The following SCRG1 variants were observed in gnomAD, a reference collection of about 807,000 sequenced individuals.
SCRG1 encodes the protein scrapie-responsive protein 1.
SCRG1 carries 3 observed loss-of-function variants against 7.7 expected under a neutral mutation model. The ratio of observed to expected loss-of-function variants is 0.39; its 90% CI spans 0.18 to 1.01. The LOEUF is 1.01. SCRG1 is among the 50% of genes least tolerant of loss of function. The pLI is 0.36. For missense variants in SCRG1, 110 were observed against 117.2 expected (o/e 0.94, Z 0.28); for synonymous variants, 46 against 41.2 (o/e 1.12, Z -0.44).
the SCRG1 span, among the ~76,000 whole-genome samples, chr4:173,484,791 CATATTAT>C: frequency 7.5e-5 from 6 of 79,668 alleles, no homozygotes; most frequent in African/African-American, 3.2e-4. Context: ...ACATGTAATA[CATATTAT>C]ATATTATATA....
intron 1 of SCRG1, 51 bp from the exon 2 acceptor site, chr4:173,391,479 G>T: frequency 6.4e-7 from 1 of 1,569,828 alleles, no homozygotes; most frequent in Non-Finnish European, 8.7e-7. Context: ...TTTAAAGATA[G>T]AATTCATCTG....
the SCRG1 span, among the ~76,000 whole-genome samples, chr4:173,457,901 C>T: frequency 6.6e-6 from 1 of 152,142 alleles, no homozygotes; most frequent in South Asian, 2.1e-4. Flanking sequence ...CTGAAGGAGT[C>T]ATACTGTTTT....
chr4:173,404,567 G>A (rs767935238), intron 1 of SCRG1: 1 of 152,220 alleles, frequency 6.6e-6, no homozygotes, highest in Non-Finnish European at 1.5e-5. Context: ...ATGAATAAAT[G>A]AGTGAGGGGA....
the SCRG1 span, among the ~76,000 whole-genome samples, chr4:173,424,477 A>T: frequency 1.3e-5 from 2 of 152,218 alleles, no homozygotes; most frequent in Non-Finnish European, 2.9e-5. Context: ...TTAAAAGCAG[A>T]TGATATAAAC....
chr4:173,480,936 A>T, the SCRG1 span, among the ~76,000 whole-genome samples: 1 of 152,150 alleles, frequency 6.6e-6, no homozygotes, highest in Non-Finnish European at 1.5e-5. Context: ...GCATGTTTGA[A>T]CATTTTTATG....
rs1284552387 is a variant in SCRG1 at position 173,385,082 on chromosome 4, C to T, written c.*3259G>A. The T allele has an allele frequency of 6.6e-6, 1 of 152,000 alleles. No homozygotes were observed. The highest frequency in any genetic ancestry group is 1.5e-5 in the Non-Finnish European group (1 of 67,990). The allele number at this position is 152,000 out of a possible 1,614,324, so 9.4% of individuals were successfully genotyped here. On this transcript the variant is annotated 3_prime_UTR_variant, in exon 3 of 3. Coordinates refer to ENST00000296506, the MANE Select transcript of SCRG1 (RefSeq NM_007281.4). ...TATCTTTAAACCTTAGCTTTTTTGTCCATAGAACAAGGATAATATCAGTAC... is the reference window on the plus strand; with the variant it reads ...TATCTTTAAACCTTAGCTTTTTTGTTCATAGAACAAGGATAATATCAGTAC...
chr4:173,409,484 T>C (rs1445826742), upstream of SCRG1, among the ~76,000 whole-genome samples: 1 of 152,184 alleles, frequency 6.6e-6, no homozygotes, highest in Admixed American at 6.5e-5. Flanking sequence ...TGCTATGCTC[T>C]GTATCCTTCC....
At chr4:173,395,425 G>T (rs1175044708) in intron 1 of SCRG1, among the ~76,000 whole-genome samples, 1 of 152,192 alleles carries the variant, frequency 6.6e-6, no homozygotes, top group Non-Finnish European at 1.5e-5. Context: ...CTAACCTAAG[G>T]CCTTCCTTTC....
chr4:173,462,946 A>G, the SCRG1 span, among the ~76,000 whole-genome samples: 1 of 152,190 alleles, frequency 6.6e-6, no homozygotes, highest in Non-Finnish European at 1.5e-5. Flanking sequence ...ACCAAAAAAC[A>G]TACAACGGAC....
the SCRG1 span, among the ~76,000 whole-genome samples, chr4:173,442,099 T>C: frequency 8.5e-5 from 13 of 152,200 alleles, no homozygotes; most frequent in African/African-American, 1.2e-4. Context: ...ATATTTCGGA[T>C]CTTAAATTCC....
intron 1 of SCRG1, among the ~76,000 whole-genome samples, chr4:173,392,529 C>A (rs751620209): frequency 6.6e-6 from 1 of 152,222 alleles, no homozygotes; most frequent in Non-Finnish European, 1.5e-5. Flanking sequence ...ATTCTAATTT[C>A]TCTTCCAGGA....
upstream of SCRG1, among the ~76,000 whole-genome samples, chr4:173,400,259 G>A (rs145169259): frequency 1.3e-5 from 2 of 152,274 alleles, no homozygotes; most frequent in African/African-American, 4.8e-5. Flanking sequence ...TTTATGTTTA[G>A]CATAGAGATA....
chr4:173,418,737 CG>C, the SCRG1 span, among the ~76,000 whole-genome samples: 1 of 152,170 alleles, frequency 6.6e-6, no homozygotes. Flanking sequence ...ATTGGATCAC[CG>C]GTGGGGCGGA....
chr4:173,491,986 C>T, the SCRG1 span, among the ~76,000 whole-genome samples: 22 of 151,634 alleles, frequency 1.5e-4, no homozygotes, highest in East Asian at 3.9e-3. Flanking sequence ...TTTTAATTAG[C>T]TGGATGTGGC....
chr4:173,455,571 C>G, the SCRG1 span, among the ~76,000 whole-genome samples: 34 of 152,258 alleles, frequency 2.2e-4, 1 homozygote, highest in South Asian at 7.0e-3. Context: ...CATCATTAGA[C>G]ACTTCCCTGA....
the SCRG1 span, among the ~76,000 whole-genome samples, chr4:173,483,379 A>ATATATTATATATTATATCATGATT: frequency 8.1e-5 from 3 of 37,040 alleles, 1 homozygote; most frequent in Non-Finnish European, 1.7e-4. Context: ...ATATTATATT[A>ATATATTATATATTATATCATGATT]TATATTATAT....
chr4:173,417,927 T>G, the SCRG1 span, among the ~76,000 whole-genome samples: 1 of 152,196 alleles, frequency 6.6e-6, no homozygotes, highest in South Asian at 2.1e-4. Context: ...CAGTGGTCAG[T>G]GTGGATTGCC....
the SCRG1 span, among the ~76,000 whole-genome samples, chr4:173,430,630 C>T: frequency 4.6e-5 from 7 of 151,838 alleles, no homozygotes; most frequent in South Asian, 1.0e-3. Context: ...GAGACAGCAA[C>T]ATGCTGTCTC....
chr4:173,394,050 T>C (rs1408358207), intron 1 of SCRG1, among the ~76,000 whole-genome samples: 1 of 152,106 alleles, frequency 6.6e-6, no homozygotes, highest in African/African-American at 2.4e-5. Flanking sequence ...AGTTATATAT[T>C]GTTTTTTTTT....
Sources: allele counts gnomAD v4.1 joint callset (sites outside exome capture counted in the v4.1 genomes callset), GRCh38; gene constraint gnomAD v4.1.1; transcripts MANE v1.5; gene names NCBI Gene and HGNC (gene_info 2026-07-23, HGNC 2026-07-21).